DEF6: variants seen among roughly 807,000 people sequenced by gnomAD.
The protein encoded by DEF6 is DEF6 guanine nucleotide exchange factor, also known as differentially expressed in FDCP 6 homolog.
In DEF6, 32 loss-of-function variants were observed where a neutral mutation model predicts 80.5. The ratio of observed to expected loss-of-function variants is 0.40; its 90% CI spans 0.30 to 0.53. DEF6 has a LOEUF of 0.53. Among genes scored for constraint, DEF6 ranks in the 20% least tolerant of loss-of-function variants. The probability of loss-of-function intolerance (pLI) is 0.57; values close to 1 mark genes in which losing one functional copy is unlikely to be tolerated. For synonymous variants in DEF6, 300 were observed against 337.9 expected (o/e 0.89, Z 1.23); for missense variants, 575 against 818.7 (o/e 0.70, Z 3.63).
chr6:35,299,486 A>G (rs987930612), intron 1 of DEF6, among the ~76,000 whole-genome samples: 1 of 152,072 alleles, frequency 6.6e-6, no homozygotes, highest in African/African-American at 2.4e-5. Context: ...ACAGCCTTTA[A>G]GTGGCTCCCC....
intron 5 of DEF6, chr6:35,313,468 T>C (rs1791492584): frequency 3.1e-6 from 1 of 321,482 alleles, no homozygotes; most frequent in Non-Finnish European, 6.0e-6. Flanking sequence ...GCTAGAAACA[T>C]TCAAATTATT....
chr6:35,317,928 G>A lies in DEF6; in HGVS notation c.845G>A (p.Cys282Tyr), dbSNP rs777826433. ...CGCGACGGAAAGCGCTGCATGTTCTGTGTGAAGACAGCCAACCGCACGTAT... is the reference window on the plus strand; with the variant it reads ...CGCGACGGAAAGCGCTGCATGTTCTATGTGAAGACAGCCAACCGCACGTAT... ...PDRDGKRCMF[C>Y]VKTANRTYEM... is the part of the protein sequence containing the mutation. Residue 282 changes from cysteine (C) to tyrosine (Y), a missense_variant, in exon 6 of 11, where the codon TGT becomes TAT. Transcript: ENST00000316637. 1.4e-5 allele frequency: 22 copies of A among 1,613,900 alleles called. 1 individual carries two copies. The Admixed American group carries it at 3.5e-4, about 26-fold the overall frequency.
At chr6:35,301,308 G>A (rs1419435054) in intron 1 of DEF6, among the ~76,000 whole-genome samples, 4 of 152,144 alleles carry the variant, frequency 2.6e-5, no homozygotes, top group Non-Finnish European at 4.4e-5. Flanking sequence ...TAGGATTTGT[G>A]GGTAGGGAGG....
intron 1 of DEF6, among the ~76,000 whole-genome samples, chr6:35,302,742 C>T (rs1218173481): frequency 6.6e-6 from 1 of 152,162 alleles, no homozygotes; most frequent in African/African-American, 2.4e-5. Context: ...GGACCCCACC[C>T]CTGGAAACTC....
chr6:35,313,741 A>C (rs1026272548), intron 5 of DEF6, among the ~76,000 whole-genome samples: 1 of 152,250 alleles, frequency 6.6e-6, no homozygotes, highest in African/African-American at 2.4e-5. Context: ...ACTTAACAAA[A>C]TGACCTATGG....
At chr6:35,304,008 C>T (rs1791359137) in intron 1 of DEF6, among the ~76,000 whole-genome samples, 1 of 152,164 alleles carries the variant, frequency 6.6e-6, no homozygotes, top group African/African-American at 2.4e-5. Flanking sequence ...TGGCAGGCAC[C>T]TGTAATCCCA....
chr6:35,310,701 C>G (rs377677315), intron 3 of DEF6, 57 bp downstream of exon 3: 30 of 1,593,346 alleles, frequency 1.9e-5, no homozygotes, highest in Admixed American at 1.8e-4. Context: ...CTAAGCAAAA[C>G]CATGAATGAG....
At chr6:35,302,942 C>G (rs1167170930) in intron 1 of DEF6, among the ~76,000 whole-genome samples, 1 of 152,130 alleles carries the variant, frequency 6.6e-6, no homozygotes, top group East Asian at 1.9e-4. Flanking sequence ...ATGAGAGTCC[C>G]CTGATCCAGG....
intron 1 of DEF6, among the ~76,000 whole-genome samples, chr6:35,299,056 A>G (rs1791279390): frequency 6.6e-6 from 1 of 152,114 alleles, no homozygotes; most frequent in Non-Finnish European, 1.5e-5. Context: ...ACTTTACTGA[A>G]CTTGGATGTG....
In DEF6 at chr6:35,318,247, G is replaced by C. The variant is rs541285645; in HGVS notation, c.991G>C (p.Glu331Gln). ...CAAGGACCTGAAGCAGAAACGGCGCGAGCAGCGGGAGCAGCGGGAGCGGCG... is the reference window on the plus strand; with the variant it reads ...CAAGGACCTGAAGCAGAAACGGCGCCAGCAGCGGGAGCAGCGGGAGCGGCG... ...LHKDLKQKRR[E>Q]QREQRERRRA... is the part of the protein sequence containing the mutation. The change falls in exon 7 of 11, where the codon GAG becomes CAG. Residue 331 changes from glutamate (E) to glutamine (Q), a missense_variant. Physicochemically the swap from Glu to Gln is conservative, Grantham distance 29 (BLOSUM62 2). Transcript: ENST00000316637. This position sits in a 1 kb window ranked among gnomAD's most constrained non-coding sequence, Gnocchi z 5.1. 6.3e-7 allele frequency: 1 copy of C among 1,578,224 alleles called. No homozygotes were observed. Among genetic ancestry groups the C allele is most frequent in the Non-Finnish European group, 8.6e-7 (1 of 1,164,078 alleles).
Position 35,317,781 on chromosome 6 carries a change from C to G in DEF6, c.808-110C>G, listed in dbSNP as rs1379872553. On this transcript the variant is annotated intron_variant, in intron 5 of 10. Coordinates refer to ENST00000316637, the MANE Select transcript of DEF6 (RefSeq NM_022047.4). ...GCAGGCTCCTGGCAGAGTGGGGTCC[C>G]CAGGGAAGATAGCCAGGAGGGCTAG... is the stretch of plus-strand genomic sequence containing the variant. 4 of 897,636 alleles carry G rather than the reference C, an allele frequency of 4.5e-6. No homozygotes were observed. In the African/African-American group the frequency reaches 6.8e-5, roughly 15 times the overall value. The allele number at this position is 897,636 out of a possible 1,614,324, so 55.6% of individuals were successfully genotyped here.
At chr6:35,320,193 C>T (rs1012271936) in intron 9 of DEF6, among the ~76,000 whole-genome samples, 176 bp downstream of exon 9, 1 of 152,116 alleles carries the variant, frequency 6.6e-6, no homozygotes, top group Non-Finnish European at 1.5e-5. Flanking sequence ...CTGGTAATAG[C>T]GTTGTTATGA....
Position 35,319,819 on chromosome 6 carries a change from A to G in DEF6, c.1383A>G (p.Arg461=), listed in dbSNP as rs1164229591. 6.3e-7 allele frequency: 1 copy of G among 1,598,888 alleles called. No individual in the cohort carries two copies. Among genetic ancestry groups the G allele is most frequent in the Non-Finnish European group, 8.5e-7 (1 of 1,172,602 alleles). The change falls in exon 9 of 11, where the codon AGA becomes AGG. Residue 461 remains arginine (R), a splice_region_variant and synonymous_variant. Transcript: ENST00000316637. This position sits in a 1 kb window ranked among gnomAD's most constrained non-coding sequence, Gnocchi z 4.5. The part of the protein sequence containing the change: ...DEESVRIAQT[R]LLEEEEEKLK... The stretch of plus-strand genomic sequence containing the variant: ...TACACAGTACACACTCACCCGGCAG[A>G]CTGCTGGAAGAGGAGGAAGAGAAGC...
chr6:35,305,850 G>T (rs944563058), intron 1 of DEF6, among the ~76,000 whole-genome samples: 2 of 152,146 alleles, frequency 1.3e-5, no homozygotes. Context: ...TGGGATTACA[G>T]GTGTGAACCA....
chr6:35,309,573 G>A, intron 1 of DEF6, 97 bp from the exon 2 acceptor site: 2 of 1,439,808 alleles, frequency 1.4e-6, no homozygotes, highest in South Asian at 2.5e-5. Flanking sequence ...AACTCAGCCA[G>A]GATGGGGTGA....
rs1791548178 is a variant in DEF6, at chr6:35,318,392, A to C, written c.1136A>C (p.Gln379Pro). The change falls in exon 7 of 11, where the codon CAG (glutamine) becomes CCG (proline). Residue 379 changes from glutamine (Q) to proline (P), a missense_variant. Gln to Pro is a moderately conservative substitution (Grantham distance 76). Transcript: ENST00000316637. This position sits in a 1 kb window ranked among gnomAD's most constrained non-coding sequence, Gnocchi z 5.1. Reference sequence around the variant, plus strand: ...CAGCGGCAGGCCGAGCGGCTGCTGCAGGAGGAGGAGGAACGGCGCCGCAGC... The same window carrying C: ...CAGCGGCAGGCCGAGCGGCTGCTGCCGGAGGAGGAGGAACGGCGCCGCAGC... ...EAQRQAERLL[Q>P]EEEERRRSQH... 2.6e-6 allele frequency: 4 copies of C among 1,532,538 alleles called. No individual in the cohort carries two copies. Among genetic ancestry groups the C allele is most frequent in the Non-Finnish European group, 3.5e-6 (4 of 1,144,086 alleles). The allele number at this position is 1,532,538 out of a possible 1,614,324, so 94.9% of individuals were successfully genotyped here. A position where few individuals can be genotyped will look rare whatever the true frequency, so the allele number is the denominator to read the frequency against.
In DEF6 at chr6:35,318,390, G is replaced by A. The variant is rs1395496034; in HGVS notation, c.1134G>A (p.Leu378=). Reference sequence around the variant, plus strand: ...CGCAGCGGCAGGCCGAGCGGCTGCTGCAGGAGGAGGAGGAACGGCGCCGCA... The same window carrying A: ...CGCAGCGGCAGGCCGAGCGGCTGCTACAGGAGGAGGAGGAACGGCGCCGCA... ...QEAQRQAERL[L]QEEEERRRSQ... Residue 378 remains leucine (L), a synonymous_variant, in exon 7 of 11, where the codon CTG becomes CTA. Transcript: ENST00000316637. The surrounding 1 kb of genome is among the most constrained non-coding windows in gnomAD (Gnocchi z 5.1). The A allele has an allele frequency of 1.3e-6, 2 of 1,534,846 alleles. No homozygotes were observed. Among genetic ancestry groups the A allele is most frequent in the Admixed American group, 2.0e-5 (1 of 50,744 alleles).
chr6:35,312,229 T>G lies in DEF6; in HGVS notation c.424-73T>G. The G allele has an allele frequency of 7.6e-7, 1 of 1,324,096 alleles. No homozygotes were observed. Among genetic ancestry groups the G allele is most frequent in the Non-Finnish European group, 1.1e-6 (1 of 934,852 alleles). 82.0% of individuals were successfully genotyped at this position (1,324,096 alleles called of 1,614,324 possible). A position where few individuals can be genotyped will look rare whatever the true frequency, so the allele number is the denominator to read the frequency against. Reference sequence around the variant, plus strand: ...CTCTGCCCAGGCTCTGGGAGCCAGATAGAGCACTCCCTGGTGTTGGTGCTG... The same window carrying G: ...CTCTGCCCAGGCTCTGGGAGCCAGAGAGAGCACTCCCTGGTGTTGGTGCTG... On this transcript the variant is annotated intron_variant, in intron 3 of 10. Transcript: ENST00000316637. This position sits in a 1 kb window ranked among gnomAD's most constrained non-coding sequence, Gnocchi z 6.6.
intron 3 of DEF6, 73 bp downstream of exon 3, chr6:35,310,717 ACCACC>A: frequency 1.3e-6 from 2 of 1,528,124 alleles, no homozygotes; most frequent in Non-Finnish European, 1.8e-6. Flanking sequence ...ATGAGACCAA[ACCACC>A]TTTGGTGCCT....
Sources: gnomAD v4.1 joint callset for allele counts (sites outside exome capture counted in the v4.1 genomes callset) on GRCh38, gnomAD v4.1.1 for gene constraint, Gnocchi (gnomAD v3.1) non-coding constraint, MANE v1.5 for transcripts, NCBI Gene and HGNC (gene_info 2026-07-23, HGNC 2026-07-21) for gene names.